C11orf54: variants seen among roughly 807,000 people sequenced by gnomAD.
The protein encoded by C11orf54 is beta-keto-L-gulonate decarboxylase, also known as beta-keto L-gulonate decarboxylase.
In C11orf54, 29 loss-of-function variants were observed where a neutral mutation model predicts 35.5. The observed-to-expected ratio is 0.82, with a 90% confidence interval of 0.61 to 1.11. C11orf54 has a LOEUF of 1.11. Among genes scored for constraint, C11orf54 ranks in the 50% most tolerant of loss-of-function variants. The probability of loss-of-function intolerance (pLI) is 0.00; values close to 1 mark genes in which losing one functional copy is unlikely to be tolerated. For synonymous variants in C11orf54, 108 were observed against 121.1 expected (o/e 0.89, Z 0.71); for missense variants, 373 against 369.2 (o/e 1.01, Z -0.08).
In C11orf54 at chr11:93,741,739, T is replaced by C; in HGVS notation, c.-98+11T>C. 3.0e-6 allele frequency: 1 copy of C among 337,112 alleles called. No homozygotes were observed. The highest frequency in any genetic ancestry group is 2.2e-5 in the South Asian group (1 of 44,872). The allele number at this position is 337,112 out of a possible 1,614,324, so 20.9% of individuals were successfully genotyped here. ...ACCGTGACCGTTTAGGTGAGTGGAA[T>C]AGCCAAGAACATTTCGGCAAATAAC... On this transcript the variant is annotated intron_variant, in intron 1 of 8. Transcript: ENST00000354421.
At chr11:93,747,200 TAA>T in intron 1 of C11orf54, 95 bp from the exon 2 acceptor site, 1 of 388,278 alleles carries the variant, frequency 2.6e-6, no homozygotes, top group Non-Finnish European at 4.6e-6. Context: ...CTTGGAATAT[TAA>T]ATGCTGGAAG....
In C11orf54 at chr11:93,763,066, TA is replaced by T. The variant is rs1308017422; in HGVS notation, c.*1384del. 4 of 152,194 alleles carry T rather than the reference TA, an allele frequency of 2.6e-5. No individual in the cohort carries two copies. Among genetic ancestry groups the T allele is most frequent in the Admixed American group, 6.5e-5 (1 of 15,286 alleles). 9.4% of individuals were successfully genotyped at this position (152,194 alleles called of 1,614,324 possible). On this transcript the variant is annotated 3_prime_UTR_variant, in exon 9 of 9. Transcript: ENST00000354421. ...CACTATTTTGATGCAAAAAAATGAA[TA>T]AAAAATTTAATTTATGATATGTTTG... is the stretch of plus-strand genomic sequence containing the variant.
chr11:93,752,794 G>A (rs1942914417), intron 3 of C11orf54, among the ~76,000 whole-genome samples: 1 of 142,774 alleles, frequency 7.0e-6, no homozygotes, highest in African/African-American at 2.6e-5. Context: ...TGTCACCCAG[G>A]CTGGAGTGCA....
In C11orf54 at chr11:93,757,472, G is replaced by A. The variant is rs1337048964; in HGVS notation, c.657+7G>A. On this transcript the variant is annotated splice_region_variant and intron_variant, in intron 7 of 8. Transcript: ENST00000354421. ...AGTGAAGTCTCACATTATGGTAAGA[G>A]CCCATGTGTGCATACATGCATGAAG... is the stretch of plus-strand genomic sequence containing the variant. 1.3e-6 allele frequency: 2 copies of A among 1,596,622 alleles called. No homozygotes were observed. The highest frequency in any genetic ancestry group is 1.7e-6 in the Non-Finnish European group (2 of 1,179,124).
In C11orf54 at chr11:93,759,865, C is replaced by G. The variant is rs1943362630; in HGVS notation, c.774+7C>G. 6.6e-7 allele frequency: 1 copy of G among 1,507,474 alleles called. No individual in the cohort carries two copies. Among genetic ancestry groups the G allele is most frequent in the Non-Finnish European group, 9.1e-7 (1 of 1,092,938 alleles). 93.4% of individuals were successfully genotyped at this position (1,507,474 alleles called of 1,614,324 possible). A position where few individuals can be genotyped will look rare whatever the true frequency, so the allele number is the denominator to read the frequency against. On this transcript the variant is annotated splice_region_variant and intron_variant, in intron 8 of 8. Coordinates refer to ENST00000354421, the MANE Select transcript of C11orf54 (RefSeq NM_001286069.2). Reference sequence around the variant, plus strand: ...TTTTGTCTCCAGAGACCCAGTAAGTCTGTGTCTGTTTTTTATATTATACTA... The same window carrying G: ...TTTTGTCTCCAGAGACCCAGTAAGTGTGTGTCTGTTTTTTATATTATACTA...
At position 93,743,375 on chromosome 11, in the gene C11orf54, C is replaced by G. The variant is rs75533796; in HGVS notation, c.-98+1647C>G. Among the ~76,000 whole-genome samples the G allele has an allele frequency of 1.9e-3, 287 of 152,326 alleles. 12 individuals are homozygous for G. In the East Asian group the frequency reaches 0.052, roughly 28 times the overall value. On this transcript the variant is annotated intron_variant, in intron 1 of 8. Coordinates refer to ENST00000354421, the MANE Select transcript of C11orf54 (RefSeq NM_001286069.2). ...CACCCAGGCTGGAGTGCAGTTGAAGCAGGATATTCCTCTGACCCCTTCGTG... is the reference window on the plus strand; with the variant it reads ...CACCCAGGCTGGAGTGCAGTTGAAGGAGGATATTCCTCTGACCCCTTCGTG...
Position 93,761,555 on chromosome 11 carries a change from G to A in C11orf54, c.815G>A (p.Arg272His), listed in dbSNP as rs759199473. Residue 272 changes from arginine to histidine, a missense_variant, in exon 9 of 9, where the codon CGT becomes CAT. Arg to His is a conservative substitution (Grantham distance 29, BLOSUM62 0). Coordinates refer to ENST00000354421, the MANE Select transcript of C11orf54 (RefSeq NM_001286069.2). ...LRLEHTHFFS[R>H]HGEGGHYHYD... is the part of the protein sequence containing the mutation. ...CTGGAGCACACTCATTTTTTTAGTC[G>A]TCATGGAGAAGGTGGACACTACCAT... The A allele has an allele frequency of 1.2e-5, 20 of 1,609,882 alleles. No individual in the cohort carries two copies. The highest frequency in any genetic ancestry group is 4.4e-5 in the South Asian group (4 of 90,258).
intron 2 of C11orf54, among the ~76,000 whole-genome samples, chr11:93,748,531 T>G (rs1942609287): frequency 6.6e-6 from 1 of 152,158 alleles, no homozygotes. Flanking sequence ...GCAGGATATA[T>G]TCAGAAAAAG....
Position 93,755,299 on chromosome 11 carries a change from C to T in C11orf54, c.420C>T (p.Cys140=). 6.2e-7 allele frequency: 1 copy of T among 1,614,026 alleles called. No homozygotes were observed. Among genetic ancestry groups the T allele is most frequent in the South Asian group, 1.1e-5 (1 of 91,084 alleles). ...ATGTGAACCCTGCAGATGGAGGGTG[C>T]CTACTGGAGAAATACAGTGAGAAAT... ...FAHVNPADGG[C]LLEKYSEKCH... Residue 140 remains cysteine (C), a synonymous_variant, in exon 6 of 9, where the codon TGC becomes TGT. Transcript: ENST00000354421.
Position 93,759,866 on chromosome 11 carries a change from T to C in C11orf54, c.774+8T>C, listed in dbSNP as rs1943362856. The C allele has an allele frequency of 1.3e-6, 2 of 1,500,516 alleles. No individual in the cohort carries two copies. Among genetic ancestry groups the C allele is most frequent in the Non-Finnish European group, 1.8e-6 (2 of 1,086,990 alleles). 93.0% of individuals were successfully genotyped at this position (1,500,516 alleles called of 1,614,324 possible). On this transcript the variant is annotated splice_region_variant and intron_variant, in intron 8 of 8. Coordinates refer to ENST00000354421, the MANE Select transcript of C11orf54 (RefSeq NM_001286069.2). Reference sequence around the variant, plus strand: ...TTTGTCTCCAGAGACCCAGTAAGTCTGTGTCTGTTTTTTATATTATACTAC... The same window carrying C: ...TTTGTCTCCAGAGACCCAGTAAGTCCGTGTCTGTTTTTTATATTATACTAC...
At chr11:93,757,622 C>A (rs544058105) in intron 7 of C11orf54, among the ~76,000 whole-genome samples, 157 bp downstream of exon 7, 2 of 152,138 alleles carry the variant, frequency 1.3e-5, no homozygotes, top group South Asian at 4.1e-4. Context: ...CTCCATCTCC[C>A]GGATTCAAGG....
intron 1 of C11orf54, chr11:93,742,739 A>C (rs1220296143): frequency 6.6e-6 from 1 of 152,172 alleles, no homozygotes; most frequent in Non-Finnish European, 1.5e-5. Flanking sequence ...TCCGGGGATA[A>C]AAAGTCCGAT....
Position 93,747,437 on chromosome 11 carries a change from A to G in C11orf54, c.44A>G (p.Glu15Gly). The G allele has an allele frequency of 6.3e-7, 1 of 1,594,090 alleles. No individual in the cohort carries two copies. The highest frequency in any genetic ancestry group is 8.5e-7 in the Non-Finnish European group (1 of 1,172,876). ...EFSFHVPSLE[E>G]LAGVMQKGLK... The stretch of plus-strand genomic sequence containing the variant: ...TCTTTTCATGTACCAAGTCTTGAAG[A>G]GCTTGCTGGAGGTAAAAACAATATT... Residue 15 changes from glutamate (E) to glycine (G), a missense_variant, in exon 2 of 9, where the codon GAG (glutamate) becomes GGG (glycine). Glu to Gly is a moderately conservative substitution (Grantham distance 98). Transcript: ENST00000354421.
At chr11:93,746,605 T>G (rs1318511346) in intron 1 of C11orf54, 1 of 152,248 alleles carries the variant, frequency 6.6e-6, no homozygotes, top group East Asian at 1.9e-4. Context: ...TTGGATAGAT[T>G]ATCAGAATTG....
At chr11:93,756,596 C>A (rs1591360327) in intron 6 of C11orf54, among the ~76,000 whole-genome samples, 1 of 151,996 alleles carries the variant, frequency 6.6e-6, no homozygotes, top group Admixed American at 6.6e-5. Context: ...ATGAACCATA[C>A]AGCTAAAATA....
intron 7 of C11orf54, among the ~76,000 whole-genome samples, chr11:93,758,214 C>T (rs943589090): frequency 1.3e-5 from 2 of 152,278 alleles, no homozygotes; most frequent in East Asian, 3.9e-4. Context: ...CGGGTGGGAG[C>T]TGAAGACAGG....
chr11:93,744,345 C>T (rs1355986026), intron 1 of C11orf54, among the ~76,000 whole-genome samples: 3 of 152,108 alleles, frequency 2.0e-5, no homozygotes, highest in Non-Finnish European at 4.4e-5. Flanking sequence ...CATAAATAAA[C>T]GGAAACAACT....
chr11:93,747,308 T>C lies in C11orf54; in HGVS notation c.-86T>C. On this transcript the variant is annotated 5_prime_UTR_variant, in exon 2 of 9. Transcript: ENST00000354421. Reference sequence around the variant, plus strand: ...ATGTTCATTTCCAGAACAGAAACTGTTCATACTTGGTGCGCTGTGGACTCT... The same window carrying C: ...ATGTTCATTTCCAGAACAGAAACTGCTCATACTTGGTGCGCTGTGGACTCT... The C allele has an allele frequency of 9.8e-7, 1 of 1,016,062 alleles. No homozygotes were observed. The highest frequency in any genetic ancestry group is 1.4e-6 in the Non-Finnish European group (1 of 697,166). 62.9% of individuals were successfully genotyped at this position (1,016,062 alleles called of 1,614,324 possible). A position where few individuals can be genotyped will look rare whatever the true frequency, so the allele number is the denominator to read the frequency against.
intron 3 of C11orf54, among the ~76,000 whole-genome samples, chr11:93,751,820 C>CTTTTTT (rs35146074): frequency 5.1e-4 from 41 of 80,238 alleles, no homozygotes; most frequent in Middle Eastern, 0.01. Flanking sequence ...AATGGTTAAT[C>CTTTTTT]TTTTTTTTTT....
Sources: gnomAD v4.1 joint callset for allele counts (sites outside exome capture counted in the v4.1 genomes callset) on GRCh38, gnomAD v4.1.1 for gene constraint, MANE v1.5 for transcripts, NCBI Gene and HGNC (gene_info 2026-07-23, HGNC 2026-07-21) for gene names.